Variants in MYO1H observed in about 807,000 individuals in gnomAD.
The protein encoded by MYO1H is myosin IH, also known as unconventional myosin-Ih.
A neutral mutation model predicts 149.3 loss-of-function variants in MYO1H; 118 were observed. That is an observed-to-expected ratio of 0.79 (90% CI 0.68 to 0.92). The LOEUF (loss-of-function observed/expected upper bound fraction) is 0.92. MYO1H is among the 40% of genes least tolerant of loss of function. The pLI is 0.00. For synonymous variants in MYO1H, 447 were observed against 465.2 expected, an observed-to-expected ratio of 0.96 and a Z score of 0.50; for missense variants, 1,212 against 1,280.7, an observed-to-expected ratio of 0.95 and a Z score of 0.82.
intron 1 of MYO1H, among the ~76,000 whole-genome samples, chr12:109,349,249 G>A (rs548089239): frequency 6.6e-6 from 1 of 152,268 alleles, no homozygotes; most frequent in South Asian, 2.1e-4. Flanking sequence ...TAACCATGCA[G>A]ATTGACTTAT....
rs528622514 is a variant in MYO1H, at chr12:109,407,896, T to C, written c.1138T>C (p.Ser380Pro). 46 of 1,613,992 alleles carry C rather than the reference T, an allele frequency of 2.9e-5. No individual in the cohort carries two copies. In the East Asian group the frequency reaches 9.4e-4, roughly 33 times the overall value. The change falls in exon 10 of 32, where the codon TCC becomes CCC. Residue 380 changes from serine to proline, a missense_variant. Coordinates refer to ENST00000310903, the Ensembl canonical transcript of MYO1H. ...TACTTGGCTGGTCAACAAAATCAAT[T>C]CCTCCTTAGTTAACAAGGTTGGTCA...
intron 6 of MYO1H, among the ~76,000 whole-genome samples, chr12:109,402,080 A>G (rs1231437333): frequency 6.6e-6 from 1 of 152,180 alleles, no homozygotes; most frequent in East Asian, 1.9e-4. Flanking sequence ...TTCCACCTTG[A>G]CAAATGTTTG....
intron 1 of MYO1H, among the ~76,000 whole-genome samples, chr12:109,352,515 A>G (rs1868484333): frequency 6.6e-6 from 1 of 152,210 alleles, no homozygotes; most frequent in Non-Finnish European, 1.5e-5. Context: ...TCCTTATTAC[A>G]TACACTTTTG....
intron 10 of MYO1H, among the ~76,000 whole-genome samples, chr12:109,409,104 T>G (rs1460678075): frequency 6.6e-6 from 1 of 152,132 alleles, no homozygotes; most frequent in African/African-American, 2.4e-5. Context: ...AATAAATACA[T>G]CATCTTTAAA....
At chr12:109,356,822 C>A (rs1868617144) in intron 1 of MYO1H, among the ~76,000 whole-genome samples, 1 of 152,182 alleles carries the variant, frequency 6.6e-6, no homozygotes, top group African/African-American at 2.4e-5. Context: ...CAACAGTCCC[C>A]TTGTTGTTAG....
the MYO1H span, among the ~76,000 whole-genome samples, chr12:109,318,993 T>TTTTTTG: frequency 6.9e-6 from 1 of 145,408 alleles, no homozygotes; most frequent in Non-Finnish European, 1.5e-5. Flanking sequence ...TTTTTTTTTT[T>TTTTTTG]TGCAACTTTT....
At chr12:109,311,926 C>T in the MYO1H span, among the ~76,000 whole-genome samples, 5 of 152,320 alleles carry the variant, frequency 3.3e-5, no homozygotes, top group Admixed American at 2.0e-4. Context: ...GTGGAAAATG[C>T]TCTAATCTGC....
chr12:109,438,407 C>T lies in MYO1H; in HGVS notation c.2210-129C>T, dbSNP rs1307859388. ...TGATGACATTCATCCGACCTTCCATCTCTGAGGCTAACAGAGTGCTGCGGT... is the reference window on the plus strand; with the variant it reads ...TGATGACATTCATCCGACCTTCCATTTCTGAGGCTAACAGAGTGCTGCGGT... On this transcript the variant is annotated intron_variant, in intron 22 of 31. Transcript: ENST00000310903. The T allele has an allele frequency of 9.8e-6, 7 of 714,678 alleles. No homozygotes were observed. The Admixed American group carries it at 1.2e-4, about 12-fold the overall frequency. 44.3% of individuals were successfully genotyped at this position (714,678 alleles called of 1,614,324 possible). A position where few individuals can be genotyped will look rare whatever the true frequency, so the allele number is the denominator to read the frequency against.
intron 1 of MYO1H, among the ~76,000 whole-genome samples, chr12:109,372,327 C>T (rs1295884560): frequency 2.0e-5 from 3 of 152,004 alleles, no homozygotes; most frequent in African/African-American, 7.2e-5. Flanking sequence ...GATGTCCAGC[C>T]TTCCTTTTAT....
intron 1 of MYO1H, among the ~76,000 whole-genome samples, chr12:109,350,350 C>T: frequency 6.6e-6 from 1 of 152,056 alleles, no homozygotes; most frequent in Non-Finnish European, 1.5e-5. Flanking sequence ...TGGGAGGGAC[C>T]CGGTGGGAGA....
intron 1 of MYO1H, among the ~76,000 whole-genome samples, chr12:109,386,014 A>G (rs1396042280): frequency 6.6e-6 from 1 of 152,122 alleles, no homozygotes; most frequent in Non-Finnish European, 1.5e-5. Context: ...CAAAAATGTC[A>G]TTTGCCTGAC....
chr12:109,384,521 C>T (rs1486982254), intron 1 of MYO1H, among the ~76,000 whole-genome samples: 1 of 152,158 alleles, frequency 6.6e-6, no homozygotes, highest in Admixed American at 6.5e-5. Context: ...ATATTCATCC[C>T]TTTGATGGTC....
At chr12:109,401,022 G>A in intron 5 of MYO1H, 71 bp from the exon 6 acceptor site, 1 of 1,360,076 alleles carries the variant, frequency 7.4e-7, no homozygotes, top group Non-Finnish European at 1.0e-6. Flanking sequence ...AGAACTTCGG[G>A]CCATCAGGAG....
At chr12:109,367,961 C>T (rs1179726395) in intron 1 of MYO1H, among the ~76,000 whole-genome samples, 1 of 152,170 alleles carries the variant, frequency 6.6e-6, no homozygotes, top group East Asian at 1.9e-4. Context: ...TCATATGATG[C>T]TCCCGCTTCA....
chr12:109,404,848 CTT>C (rs11286105), intron 7 of MYO1H, among the ~76,000 whole-genome samples: 233 of 136,800 alleles, frequency 1.7e-3, no homozygotes, highest in Middle Eastern at 7.7e-3. Flanking sequence ...ATCTTTTTGT[CTT>C]TTTTTTTTTT....
chr12:109,409,207 C>T (rs1870533606), intron 10 of MYO1H, among the ~76,000 whole-genome samples: 2 of 128,788 alleles, frequency 1.6e-5, no homozygotes, highest in East Asian at 4.9e-4. Flanking sequence ...CCTTCTCCTT[C>T]TTCTTCTCCT....
chr12:109,407,006 C>G, intron 9 of MYO1H, 146 bp downstream of exon 9: 1 of 656,186 alleles, frequency 1.5e-6, no homozygotes. Context: ...GTGGAGTGTC[C>G]TGCCTCATCT....
the MYO1H span, among the ~76,000 whole-genome samples, chr12:109,328,109 TC>T: frequency 7.6e-4 from 114 of 150,052 alleles, no homozygotes; most frequent in African/African-American, 2.7e-3. Context: ...CTGAGAATAA[TC>T]ATTGGGGATC....
At chr12:109,396,675 G>A in intron 4 of MYO1H, 93 bp downstream of exon 4, 2 of 1,118,550 alleles carry the variant, frequency 1.8e-6, no homozygotes, top group Non-Finnish European at 2.5e-6. Flanking sequence ...AAATGGGCAG[G>A]TCACTGTTAA....
Sources: allele counts gnomAD v4.1 joint callset (sites outside exome capture counted in the v4.1 genomes callset), GRCh38; gene constraint gnomAD v4.1.1; transcripts MANE v1.5; gene names NCBI Gene and HGNC (gene_info 2026-07-23, HGNC 2026-07-21).